SLCO1B3: variants seen among roughly 807,000 people sequenced by gnomAD.
SLCO1B3 encodes solute carrier organic anion transporter family member 1B3, also known as liver-specific organic anion transporter 2.
A neutral mutation model predicts 71.8 loss-of-function variants in SLCO1B3; 72 were observed. The observed-to-expected ratio is 1.00, with a 90% confidence interval of 0.83 to 1.22. SLCO1B3 has a LOEUF of 1.22. Among genes scored for constraint, SLCO1B3 ranks in the 50% most tolerant of loss-of-function variants. SLCO1B3 has a pLI of 0.00. For missense variants in SLCO1B3, 911 were observed against 819.7 expected (o/e 1.11, Z -1.36); for synonymous variants, 298 against 278.4 (o/e 1.07, Z -0.70).
chr12:20,877,809 C>G lies in SLCO1B3; in HGVS notation c.1008C>G (p.Pro336=). ...CTTTGAAAAGCATCCTTACCAATCC[C>G]CTGTATGTTATATTTCTGCTTTTGA... is the stretch of plus-strand genomic sequence containing the variant. The part of the protein sequence containing the change: ...FQSLKSILTN[P]LYVIFLLLTL... Residue 336 remains proline (P), a synonymous_variant, in exon 10 of 16, where the codon CCC becomes CCG. Coordinates refer to ENST00000381545, the MANE Select transcript of SLCO1B3 (RefSeq NM_019844.4). The G allele has an allele frequency of 1.9e-6, 3 of 1,552,680 alleles. No homozygotes were observed. The highest frequency in any genetic ancestry group is 2.6e-6 in the Non-Finnish European group (3 of 1,149,882).
At chr12:20,865,564 G>C (rs771279644) in intron 8 of SLCO1B3, among the ~76,000 whole-genome samples, 10 of 152,006 alleles carry the variant, frequency 6.6e-5, no homozygotes, top group Non-Finnish European at 1.3e-4. Flanking sequence ...GAACAGCACA[G>C]ATTTGAACTG....
chr12:20,821,285 T>C (rs1170312654), intron 3 of SLCO1B3, among the ~76,000 whole-genome samples: 1 of 152,150 alleles, frequency 6.6e-6, no homozygotes, highest in Non-Finnish European at 1.5e-5. Context: ...ATGGAAAAAT[T>C]GAAAGTGCCG....
At chr12:20,828,646 TACACACACAC>T (rs142800781) in intron 3 of SLCO1B3, among the ~76,000 whole-genome samples, 1 of 149,592 alleles carries the variant, frequency 6.7e-6, no homozygotes, top group African/African-American at 2.5e-5. Flanking sequence ...CACACACACA[TACACACACAC>T]ACACACACAC....
intron 10 of SLCO1B3, among the ~76,000 whole-genome samples, chr12:20,879,196 C>G (rs1459798092): frequency 7.1e-6 from 1 of 140,754 alleles, no homozygotes; most frequent in African/African-American, 2.5e-5. Context: ...TAGTGTGCCA[C>G]CCTTCTCTCT....
intron 8 of SLCO1B3, among the ~76,000 whole-genome samples, chr12:20,873,937 C>T (rs1865527242): frequency 6.6e-6 from 1 of 152,200 alleles, no homozygotes; most frequent in African/African-American, 2.4e-5. Context: ...GACATTATCT[C>T]CTTCCTTTTT....
chr12:20,901,412 A>G lies in SLCO1B3; in HGVS notation c.1810A>G (p.Thr604Ala), dbSNP rs766569013. ...TGATAAAACATGTATGAAGTGGTCC[A>G]CCAACAGCTGTGGAGCACAAGGGGC... ...LIDKTCMKWS[T>A]NSCGAQGACR... Residue 604 changes from threonine to alanine, a missense_variant, in exon 15 of 16, where the codon ACC becomes GCC. Physicochemically the swap from Thr to Ala is moderately conservative, Grantham distance 58. Transcript: ENST00000381545. The G allele has an allele frequency of 1.9e-6, 3 of 1,586,740 alleles. No homozygotes were observed. Among genetic ancestry groups the G allele is most frequent in the Admixed American group, 3.7e-5 (2 of 53,452 alleles).
At chr12:20,894,453 A>AAGATTTCAG (rs2121348110) in intron 13 of SLCO1B3, among the ~76,000 whole-genome samples, 1 of 152,236 alleles carries the variant, frequency 6.6e-6, no homozygotes, top group East Asian at 1.9e-4. Flanking sequence ...TGAATTGTTG[A>AAGATTTCAG]AGATTTCAGG....
At chr12:20,862,644 C>G in intron 7 of SLCO1B3, 86 bp downstream of exon 7, 2 of 1,453,016 alleles carry the variant, frequency 1.4e-6, no homozygotes. Context: ...TTTCTTTTAC[C>G]TATTAGAAAA....
chr12:20,822,469 A>C (rs983157453), intron 3 of SLCO1B3, among the ~76,000 whole-genome samples: 4 of 152,144 alleles, frequency 2.6e-5, no homozygotes, highest in African/African-American at 9.7e-5. Context: ...GTGGGGCAGG[A>C]ACAAATCACA....
At chr12:20,910,616 GCTT>G (rs1866353343) in intron 15 of SLCO1B3, among the ~76,000 whole-genome samples, 1 of 151,982 alleles carries the variant, frequency 6.6e-6, no homozygotes, top group African/African-American at 2.4e-5. Context: ...ATATTTTAGT[GCTT>G]CTTTGATTTC....
intron 3 of SLCO1B3, among the ~76,000 whole-genome samples, chr12:20,852,329 ATTAG>A (rs937379352): frequency 3.3e-5 from 5 of 152,074 alleles, no homozygotes; most frequent in Admixed American, 3.3e-4. Flanking sequence ...AAAAAAAGTA[ATTAG>A]TTAGGCATAG....
intron 10 of SLCO1B3, among the ~76,000 whole-genome samples, chr12:20,878,203 T>C (rs1168533649): frequency 1.3e-5 from 2 of 152,022 alleles, no homozygotes; most frequent in African/African-American, 2.4e-5. Context: ...TGCTTGTGAA[T>C]AAAACATTTA....
intron 13 of SLCO1B3, among the ~76,000 whole-genome samples, chr12:20,896,143 G>A (rs1866002280): frequency 6.6e-6 from 1 of 152,180 alleles, no homozygotes; most frequent in Non-Finnish European, 1.5e-5. Flanking sequence ...GACGGGAGGG[G>A]CTACCATGAA....
Position 20,904,755 on chromosome 12 carries a change from CTTTTTTTTTTTTTTTTT to C in SLCO1B3, c.1865+3305_1865+3321del, listed in dbSNP as rs775996155. ...GCAGACTTCTGCCTGGACATCCAGG[CTTTTTTTTTTTTTTTTT>C]TTTTTTTTTTTTTTTTCTTGAGACA... On this transcript the variant is annotated intron_variant, in intron 15 of 15. Transcript: ENST00000381545. Among the ~76,000 whole-genome samples the C allele has an allele frequency of 1.1e-3, 62 of 56,116 alleles. 2 individuals carry two copies. The highest frequency in any genetic ancestry group is 5.1e-3 in the African/African-American group (57 of 11,274). 36.8% of individuals were successfully genotyped at this position (56,116 alleles called of 152,430 possible). A position where few individuals can be genotyped will look rare whatever the true frequency, so the allele number is the denominator to read the frequency against.
chr12:20,860,471 C>T (rs997679797), intron 5 of SLCO1B3, among the ~76,000 whole-genome samples: 2 of 152,032 alleles, frequency 1.3e-5, no homozygotes, highest in Non-Finnish European at 2.9e-5. Flanking sequence ...ACTCACAGAG[C>T]GGTTAGTATT....
In SLCO1B3 at chr12:20,811,844, G is replaced by T. The variant is rs114610398; in HGVS notation, c.-181+1080G>T. 5.7e-3 allele frequency among the ~76,000 whole-genome samples: 860 copies of T among 151,738 alleles called. 7 individuals are homozygous for T. Among genetic ancestry groups the T allele is most frequent in the African/African-American group, 0.02 (835 of 41,370 alleles). ...ATGCCACAATGAAGTAAAAAGTGTG[G>T]TATTTATTCAAGGCTAAATTGATAT... On this transcript the variant is annotated intron_variant, in intron 1 of 15. Coordinates refer to ENST00000381545, the MANE Select transcript of SLCO1B3 (RefSeq NM_019844.4).
chr12:20,832,950 A>AATT (rs59911776), intron 3 of SLCO1B3, among the ~76,000 whole-genome samples: 69,548 of 151,804 alleles, frequency 0.46, 17,968 homozygotes, highest in South Asian at 0.67. Flanking sequence ...AAACAAAAAA[A>AATT]ATTATCTTAG....
At chr12:20,819,813 TCGGTCACC>T (rs1591741233) in intron 3 of SLCO1B3, among the ~76,000 whole-genome samples, 1 of 152,016 alleles carries the variant, frequency 6.6e-6, no homozygotes, top group African/African-American at 2.4e-5. Flanking sequence ...GGGTGCATGA[TCGGTCACC>T]AAGGAGGGAG....
intron 12 of SLCO1B3, 25 bp downstream of exon 12, chr12:20,881,045 T>G: frequency 6.6e-7 from 1 of 1,514,072 alleles, no homozygotes; most frequent in Non-Finnish European, 9.0e-7. Context: ...TCACTTTTTC[T>G]CCTCTCCTTA....
Sources: allele counts gnomAD v4.1 joint callset (sites outside exome capture counted in the v4.1 genomes callset), GRCh38; gene constraint gnomAD v4.1.1; transcripts MANE v1.5; gene names NCBI Gene and HGNC (gene_info 2026-07-23, HGNC 2026-07-21).